The following IRAG2 variants were observed in gnomAD, a reference collection of about 807,000 sequenced individuals.
IRAG2 encodes lymphoid restricted membrane protein.
A neutral mutation model predicts 69.9 loss-of-function variants in IRAG2; 45 were observed. That is an observed-to-expected ratio of 0.64 (90% CI 0.51 to 0.83). The LOEUF is 0.83. IRAG2 is among the 40% of genes least tolerant of loss of function. The pLI is 0.00. For missense variants in IRAG2, 520 were observed against 587.0 expected, an observed-to-expected ratio of 0.89 and a Z score of 1.18; for synonymous variants, 193 against 202.4, an observed-to-expected ratio of 0.95 and a Z score of 0.40.
chr12:25,023,126 C>CAAAA (rs139607228), intron 7 of IRAG2, among the ~76,000 whole-genome samples: 1 of 112,560 alleles, frequency 8.9e-6, no homozygotes, highest in East Asian at 2.5e-4. Flanking sequence ...GACTTCGTCT[C>CAAAA]AAAAAAAAAA....
chr12:25,052,959 G>A lies in IRAG2; in HGVS notation c.-447+3G>A, dbSNP rs1436586576. ...GCAGAAGACAAGGAAACTGAAGAGT[G>A]AGTAGCAAATATTCATTTATGACCC... On this transcript the variant is annotated splice_donor_region_variant and intron_variant, in intron 1 of 21. Coordinates refer to ENST00000556887, the MANE Select transcript of IRAG2 (RefSeq NM_001366544.2). The A allele has an allele frequency of 5.0e-6, 2 of 398,422 alleles. No individual in the cohort carries two copies. The highest frequency in any genetic ancestry group is 8.8e-6 in the Non-Finnish European group (2 of 226,036). The allele number at this position is 398,422 out of a possible 1,614,324, so 24.7% of individuals were successfully genotyped here. A position where few individuals can be genotyped will look rare whatever the true frequency, so the allele number is the denominator to read the frequency against.
rs1425867483 is a variant in IRAG2 at position 25,077,206 on chromosome 12, T to TC, written c.25-2038_25-2037insC. ...ATATGATATATATATGAAATATATA[T>TC]ATGATATATATGAAATATATATGAT... On this transcript the variant is annotated intron_variant, in intron 6 of 21. Coordinates refer to ENST00000556887, the MANE Select transcript of IRAG2 (RefSeq NM_001366544.2). 1.5e-3 allele frequency among the ~76,000 whole-genome samples: 168 copies of TC among 114,090 alleles called. 11 individuals are homozygous for TC. The highest frequency in any genetic ancestry group is 2.4e-3 in the Non-Finnish European group (137 of 56,456). 74.8% of individuals were successfully genotyped at this position (114,090 alleles called of 152,430 possible). A position where few individuals can be genotyped will look rare whatever the true frequency, so the allele number is the denominator to read the frequency against.
intron 15 of IRAG2, chr12:25,097,393 ACATGTCAC>A (rs1314790147): frequency 6.2e-6 from 1 of 160,664 alleles, no homozygotes; most frequent in Non-Finnish European, 1.4e-5. Context: ...TTATATACTC[ACATGTCAC>A]CATTTTATGG....
rs148409757 is a variant in IRAG2, at chr12:25,106,596, A to G, written c.1149-347A>G. Among the ~76,000 whole-genome samples the G allele has an allele frequency of 8.0e-4, 118 of 146,906 alleles. 3 individuals are homozygous for G. The East Asian group carries it at 0.021, about 26-fold the overall frequency. On this transcript the variant is annotated intron_variant, in intron 20 of 21. Coordinates refer to ENST00000556887, the MANE Select transcript of IRAG2 (RefSeq NM_001366544.2). ...CAGAGAAAGAATTCATAGTAATAAC[A>G]TTGGTTAATGATGAGACTAACTTCT...
chr12:25,012,072 G>T (rs923147038), intron 3 of IRAG2, among the ~76,000 whole-genome samples: 1 of 151,516 alleles, frequency 6.6e-6, no homozygotes, highest in Non-Finnish European at 1.5e-5. Flanking sequence ...GGAGGAGAAG[G>T]GCACCCCATG....
chr12:25,102,041 A>C (rs7303889), intron 16 of IRAG2, 157 bp from the exon 17 acceptor site: 593,041 of 703,188 alleles, frequency 0.84, 251,241 homozygotes, highest in East Asian at 1. Flanking sequence ...TGTTATGAAG[A>C]ATGAAATGAA....
chr12:25,064,330 A>T (rs764921547), intron 4 of IRAG2, among the ~76,000 whole-genome samples: 8 of 152,228 alleles, frequency 5.3e-5, no homozygotes, highest in Non-Finnish European at 1.0e-4. Context: ...AAACAAAAAA[A>T]ATAAGAAGAG....
intron 9 of IRAG2, 104 bp downstream of exon 9, chr12:25,079,867 T>C: frequency 1.6e-6 from 1 of 638,150 alleles, no homozygotes; most frequent in South Asian, 2.2e-5. Context: ...TGTTATTTAA[T>C]TTTTTTTGTA....
chr12:25,077,244 T>TATATATATGAA lies in IRAG2; in HGVS notation c.25-1990_25-1989insAATATATATGA, dbSNP rs1565562576. ...AAATATATATGATATATATATGAAA[T>TATATATATGAA]ATATATATGATATATATATGAAATA... On this transcript the variant is annotated intron_variant, in intron 6 of 21. Transcript: ENST00000556887. 1.4e-3 allele frequency among the ~76,000 whole-genome samples: 87 copies of TATATATATGAA among 63,818 alleles called. 6 individuals carry two copies. Among genetic ancestry groups the TATATATATGAA allele is most frequent in the African/African-American group, 4.3e-3 (83 of 19,166 alleles). The allele number at this position is 63,818 out of a possible 152,430, so 41.9% of individuals were successfully genotyped here. A position where few individuals can be genotyped will look rare whatever the true frequency, so the allele number is the denominator to read the frequency against.
chr12:25,034,835 A>C (rs1346777142), intron 13 of IRAG2, among the ~76,000 whole-genome samples: 1 of 152,224 alleles, frequency 6.6e-6, no homozygotes, highest in Non-Finnish European at 1.5e-5. Context: ...CCTTCATCTG[A>C]AGCCATCTCC....
upstream of IRAG2, among the ~76,000 whole-genome samples, chr12:25,003,321 C>T (rs1288783610): frequency 6.6e-6 from 1 of 152,122 alleles, no homozygotes; most frequent in Non-Finnish European, 1.5e-5. Flanking sequence ...AACCTTTTGC[C>T]TAGAGTATTT....
At chr12:25,084,431 C>A (rs1003889711) in intron 10 of IRAG2, among the ~76,000 whole-genome samples, 4 of 152,010 alleles carry the variant, frequency 2.6e-5, no homozygotes, top group African/African-American at 9.7e-5. Context: ...CTCATTTCCA[C>A]TTCTATGAAT....
intron 2 of IRAG2, chr12:25,006,236 G>A (rs968155354): frequency 2.0e-5 from 3 of 152,156 alleles, no homozygotes; most frequent in Non-Finnish European, 2.9e-5. Flanking sequence ...AACAGATGTC[G>A]GTGAGGTTAT....
chr12:25,047,868 G>A (rs1446045469), upstream of IRAG2, among the ~76,000 whole-genome samples: 1 of 152,104 alleles, frequency 6.6e-6, no homozygotes, highest in East Asian at 1.9e-4. Flanking sequence ...TCACTGATGG[G>A]CATTTTGGTT....
intron 9 of IRAG2, among the ~76,000 whole-genome samples, chr12:25,028,759 C>T (rs577019514): frequency 6.6e-6 from 1 of 152,288 alleles, no homozygotes; most frequent in African/African-American, 2.4e-5. Flanking sequence ...TGATGATATA[C>T]TTAAATTTCT....
At chr12:25,003,286 T>A (rs1046057391), upstream of IRAG2, among the ~76,000 whole-genome samples, 1 of 152,244 alleles carries the variant, frequency 6.6e-6, no homozygotes, top group Non-Finnish European at 1.5e-5. Context: ...ATTCAACTAT[T>A]TGTTGTAACT....
At chr12:25,066,689 A>G (rs1344029057) in intron 5 of IRAG2, among the ~76,000 whole-genome samples, 177 bp downstream of exon 5, 1 of 148,378 alleles carries the variant, frequency 6.7e-6, no homozygotes, top group Non-Finnish European at 1.5e-5. Context: ...TTGAGATGGA[A>G]TCTCGCTCTC....
chr12:25,003,664 C>G (rs1944409577), upstream of IRAG2, among the ~76,000 whole-genome samples: 1 of 152,054 alleles, frequency 6.6e-6, no homozygotes, highest in South Asian at 2.1e-4. Flanking sequence ...TTCTTTGACT[C>G]AAATCTTAGA....
chr12:25,064,218 G>A (rs755961449), intron 4 of IRAG2, among the ~76,000 whole-genome samples: 9 of 152,176 alleles, frequency 5.9e-5, no homozygotes, highest in Non-Finnish European at 1.2e-4. Context: ...TGATTCCATG[G>A]AAGAGGTTAG....
Sources: gnomAD v4.1 joint callset for allele counts (sites outside exome capture counted in the v4.1 genomes callset) on GRCh38, gnomAD v4.1.1 for gene constraint, MANE v1.5 for transcripts, NCBI Gene and HGNC (gene_info 2026-07-23, HGNC 2026-07-21) for gene names.